The following RBFOX3 variants were observed in gnomAD, a reference collection of about 807,000 sequenced individuals.
RBFOX3 encodes RNA binding protein fox-1 homolog 3.
A neutral mutation model predicts 48.7 loss-of-function variants in RBFOX3; 17 were observed. The ratio of observed to expected loss-of-function variants is 0.35; its 90% CI spans 0.24 to 0.52. RBFOX3 has a LOEUF of 0.52. Ranked by LOEUF, RBFOX3 falls within the 20% of genes least tolerant of loss-of-function variation. The pLI, the probability that RBFOX3 is intolerant of heterozygous loss-of-function variation, is 0.94. For synonymous variants in RBFOX3, 212 were observed against 209.5 expected (o/e 1.01, Z -0.10); for missense variants, 382 against 497.5 (o/e 0.77, Z 2.21).
intron 2 of RBFOX3, among the ~76,000 whole-genome samples, chr17:79,380,047 T>C (rs1402397943): frequency 6.6e-6 from 1 of 152,104 alleles, no homozygotes; most frequent in Non-Finnish European, 1.5e-5. Flanking sequence ...GTCCCTCTGT[T>C]AGTCACCTCC....
intron 12 of RBFOX3, among the ~76,000 whole-genome samples, chr17:79,096,333 G>A (rs934456087): frequency 5.9e-5 from 9 of 152,206 alleles, no homozygotes; most frequent in African/African-American, 2.2e-4. Flanking sequence ...CTCACTGACC[G>A]CAGCGTGGTT....
intron 4 of RBFOX3, among the ~76,000 whole-genome samples, chr17:79,145,602 G>A (rs967517492): frequency 1.2e-4 from 19 of 152,326 alleles, no homozygotes; most frequent in South Asian, 1.2e-3. Context: ...TTCTGGGGGC[G>A]CAGAGGCCTG....
the RBFOX3 span, among the ~76,000 whole-genome samples, chr17:79,651,452 T>C: frequency 0.93 from 140,893 of 152,144 alleles, 66,169 homozygotes; most frequent in Non-Finnish European, 1. Context: ...CTTCTGGTGG[T>C]GACACCCCCG....
chr17:79,548,660 C>T (rs962499285), intron 1 of RBFOX3, among the ~76,000 whole-genome samples: 2 of 152,318 alleles, frequency 1.3e-5, no homozygotes. Context: ...CCAGCCTGTC[C>T]AGGCAATGCA....
chr17:79,204,558 G>A lies in RBFOX3; in HGVS notation c.-34+31208C>T, dbSNP rs1031484386. 3.9e-5 allele frequency among the ~76,000 whole-genome samples: 6 copies of A among 152,156 alleles called. No individual in the cohort carries two copies. The highest frequency in any genetic ancestry group is 1.2e-4 in the African/African-American group (5 of 41,436). On this transcript the variant is annotated intron_variant, in intron 4 of 14. Coordinates refer to ENST00000693108, the MANE Select transcript of RBFOX3 (RefSeq NM_001350451.2). This position sits in a 1 kb window ranked among gnomAD's most constrained non-coding sequence, Gnocchi z 4.5. ...TGGTGGAGTATTAAAGAAGGGGTCC[G>A]AAGGCCCCAGATGCTGTGAACAGAG...
intron 1 of RBFOX3, among the ~76,000 whole-genome samples, chr17:79,513,850 G>A: frequency 6.6e-6 from 1 of 152,214 alleles, no homozygotes; most frequent in East Asian, 1.9e-4. Flanking sequence ...GCGTGCCCTA[G>A]TGGGCCTCTG....
chr17:79,324,713 G>A (rs1245447026), intron 2 of RBFOX3, among the ~76,000 whole-genome samples: 1 of 152,228 alleles, frequency 6.6e-6, no homozygotes, highest in Non-Finnish European at 1.5e-5. Context: ...CTGGATAGGG[G>A]AGAGCAGGCA....
intron 4 of RBFOX3, among the ~76,000 whole-genome samples, chr17:79,116,010 A>C (rs1217841472): frequency 1.3e-5 from 2 of 152,202 alleles, no homozygotes; most frequent in East Asian, 3.9e-4. Context: ...AGACCTGGGT[A>C]CAAGAACAAC....
intron 5 of RBFOX3, among the ~76,000 whole-genome samples, chr17:79,109,930 C>T (rs1555691494): frequency 1.3e-5 from 2 of 152,142 alleles, no homozygotes; most frequent in Non-Finnish European, 2.9e-5. Context: ...GAGGAAGAAG[C>T]CATTCTATCC....
intron 2 of RBFOX3, among the ~76,000 whole-genome samples, chr17:79,411,027 C>G (rs751257808): frequency 1.4e-4 from 22 of 152,232 alleles, no homozygotes; most frequent in Non-Finnish European, 2.6e-4. Context: ...CTTGTGCGAT[C>G]TCTGCCAGCT....
At chr17:79,345,184 C>G (rs1424711657) in intron 2 of RBFOX3, among the ~76,000 whole-genome samples, 2 of 152,184 alleles carry the variant, frequency 1.3e-5, no homozygotes, top group Non-Finnish European at 1.5e-5. Flanking sequence ...CTCTTCTCCA[C>G]CTGTTTGTTT....
chr17:79,310,167 C>G (rs961662622), intron 2 of RBFOX3, among the ~76,000 whole-genome samples: 1 of 152,184 alleles, frequency 6.6e-6, no homozygotes, highest in Non-Finnish European at 1.5e-5. Context: ...GCATTCCCTG[C>G]CCGCAGCATG....
At chr17:79,661,786 G>A in the RBFOX3 span, among the ~76,000 whole-genome samples, 2,389 of 152,286 alleles carry the variant, frequency 0.016, 50 homozygotes, top group African/African-American at 0.035. Flanking sequence ...ATTCACTGTA[G>A]CCATTCCAGT....
Position 79,297,021 on chromosome 17 carries a change from C to G in RBFOX3, c.-74+10703G>C, listed in dbSNP as rs949818682. Among the ~76,000 whole-genome samples the G allele has an allele frequency of 3.3e-5, 5 of 150,864 alleles. No individual in the cohort carries two copies. In the East Asian group the frequency reaches 9.7e-4, roughly 29 times the overall value. ...CCTCTTCTTTCTCCTCCTGCCCCTC[C>G]TCTCCCCAGCAGCTCTGGCTTTTTC... is the stretch of plus-strand genomic sequence containing the variant. On this transcript the variant is annotated intron_variant, in intron 3 of 14. Transcript: ENST00000693108.
intron 2 of RBFOX3, among the ~76,000 whole-genome samples, chr17:79,333,119 G>A (rs1185855846): frequency 6.6e-6 from 1 of 152,140 alleles, no homozygotes; most frequent in Admixed American, 6.5e-5. Flanking sequence ...GAGAGAAACA[G>A]GCAGAGACAG....
intron 3 of RBFOX3, among the ~76,000 whole-genome samples, chr17:79,268,831 G>C (rs1009077839): frequency 6.6e-6 from 1 of 152,076 alleles, no homozygotes; most frequent in East Asian, 1.9e-4. Flanking sequence ...TCTCATTCCT[G>C]TTCCTTCCTC....
Position 79,184,031 on chromosome 17 carries a change from C to T in RBFOX3, c.-34+51735G>A, listed in dbSNP as rs1241850015. On this transcript the variant is annotated intron_variant, in intron 4 of 14. Transcript: ENST00000693108. The stretch of plus-strand genomic sequence containing the variant: ...CTCCGCCGGCTCTGCGGCCGACCGA[C>T]CGGAAGGCGCCTCGTCCTGTTTCGC... 5.3e-5 allele frequency among the ~76,000 whole-genome samples: 8 copies of T among 152,372 alleles called. No individual in the cohort carries two copies. The East Asian group carries it at 1.5e-3, about 29-fold the overall frequency.
the RBFOX3 span, among the ~76,000 whole-genome samples, chr17:79,635,304 A>G: frequency 9.3e-4 from 142 of 152,162 alleles, 2 homozygotes; most frequent in Non-Finnish European, 1.8e-3. Flanking sequence ...GGCACCTGGA[A>G]CCATCTGCTC....
At chr17:79,260,890 C>T (rs375773396) in intron 3 of RBFOX3, among the ~76,000 whole-genome samples, 43 of 152,256 alleles carry the variant, frequency 2.8e-4, no homozygotes, top group African/African-American at 1.0e-3. Context: ...CTCCACGGGC[C>T]GCACACTGGC....
Sources: gnomAD v4.1 joint callset for allele counts (sites outside exome capture counted in the v4.1 genomes callset) on GRCh38, gnomAD v4.1.1 for gene constraint, Gnocchi (gnomAD v3.1) non-coding constraint, MANE v1.5 for transcripts, NCBI Gene and HGNC (gene_info 2026-07-23, HGNC 2026-07-21) for gene names.